The following EXOC5 variants were observed in gnomAD, a reference collection of about 807,000 sequenced individuals.
EXOC5 encodes the protein exocyst complex component 5.
A neutral mutation model predicts 90.8 loss-of-function variants in EXOC5; 17 were observed. The observed-to-expected ratio is 0.19, with a 90% CI of 0.13 to 0.28. EXOC5 has a LOEUF of 0.28. Among genes scored for constraint, EXOC5 ranks in the 10% least tolerant of loss-of-function variants. The probability of loss-of-function intolerance (pLI) is 1.00; values close to 1 mark genes in which losing one functional copy is unlikely to be tolerated. For missense variants in EXOC5, 569 were observed against 830.6 expected (o/e 0.69, Z 3.87); for synonymous variants, 260 against 270.0 (o/e 0.96, Z 0.36).
intron 13 of EXOC5, 63 bp downstream of exon 13, chr14:57,222,245 G>A: frequency 1.3e-6 from 1 of 757,540 alleles, no homozygotes; most frequent in South Asian, 2.0e-5. Context: ...ACAACATTAT[G>A]CATATAGTTT....
rs146051565 is a variant in EXOC5 at position 57,212,811 on chromosome 14, C to G, written c.1614-2750G>C. Among the ~76,000 whole-genome samples, 674 of 152,296 alleles carry G rather than the reference C, an allele frequency of 4.4e-3. 7 individuals carry two copies. Among genetic ancestry groups the G allele is most frequent in the African/African-American group, 0.015 (628 of 41,560 alleles). ...CGATTCCCTTCCATTTTCAATTCAT[C>G]ATGATAGATCTTTGCTTGTTTCATG... On this transcript the variant is annotated intron_variant, in intron 15 of 17. Transcript: ENST00000621441.
intron 1 of EXOC5, 95 bp downstream of exon 1, chr14:57,268,527 C>A: frequency 6.5e-7 from 1 of 1,539,068 alleles, no homozygotes; most frequent in Non-Finnish European, 8.7e-7. Context: ...GAGGGCTCCT[C>A]CTGGGCAGCC....
chr14:57,214,291 G>A (rs1188998175), intron 15 of EXOC5, among the ~76,000 whole-genome samples: 20 of 152,028 alleles, frequency 1.3e-4, no homozygotes, highest in Admixed American at 1.3e-3. Flanking sequence ...TTCCCTTGTG[G>A]ATACTCAAAT....
intron 15 of EXOC5, among the ~76,000 whole-genome samples, chr14:57,216,267 T>C (rs1235290178): frequency 7.3e-6 from 1 of 137,356 alleles, no homozygotes; most frequent in Non-Finnish European, 1.5e-5. Flanking sequence ...AAAGGCATTT[T>C]TCACAGAAAT....
At chr14:57,256,933 T>G (rs751581441) in intron 1 of EXOC5, among the ~76,000 whole-genome samples, 7 of 152,312 alleles carry the variant, frequency 4.6e-5, no homozygotes, top group South Asian at 4.1e-4. Flanking sequence ...CTTGTATCCT[T>G]GCTCTGCCCC....
intron 13 of EXOC5, among the ~76,000 whole-genome samples, chr14:57,221,437 G>A (rs1883137108): frequency 6.6e-6 from 1 of 152,170 alleles, no homozygotes; most frequent in Non-Finnish European, 1.5e-5. Context: ...GTTAAATGAA[G>A]TCAGTAATGT....
At chr14:57,215,231 C>CA (rs879718496) in intron 15 of EXOC5, among the ~76,000 whole-genome samples, 2,445 of 132,336 alleles carry the variant, frequency 0.018, 55 homozygotes, top group African/African-American at 0.06. Flanking sequence ...GACTCCGTCT[C>CA]AAAAAAAAAA....
At chr14:57,259,876 C>A (rs567505695) in intron 1 of EXOC5, among the ~76,000 whole-genome samples, 5 of 152,274 alleles carry the variant, frequency 3.3e-5, no homozygotes, top group African/African-American at 9.6e-5. Context: ...CAGAACAATG[C>A]CGAGCATACC....
chr14:57,201,559 ATATTAATAT>A lies in EXOC5; in HGVS notation c.*7041_*7049del, dbSNP rs1882508487. 2 of 115,168 alleles carry A rather than the reference ATATTAATAT, an allele frequency of 1.7e-5. 1 individual carries two copies. The highest frequency in any genetic ancestry group is 5.1e-4 in the South Asian group (2 of 3,954). 7.1% of individuals were successfully genotyped at this position (115,168 alleles called of 1,614,324 possible). On this transcript the variant is annotated 3_prime_UTR_variant, in exon 18 of 18. Transcript: ENST00000621441. The stretch of plus-strand genomic sequence containing the variant: ...CACACATATACATATATTTTTATAT[ATATTAATAT>A]TATATATATATATATATATATATAT...
At position 57,207,562 on chromosome 14, in the gene EXOC5, A is replaced by T. The variant is rs1218630462; in HGVS notation, c.*1047T>A. ...AGAAATGCTTTGAAAAAGGACAATG[A>T]CAGACCTATAGACATGAAAAGCAAA... On this transcript the variant is annotated 3_prime_UTR_variant, in exon 18 of 18. Coordinates refer to ENST00000621441, the MANE Select transcript of EXOC5 (RefSeq NM_006544.4). 6.6e-6 allele frequency: 1 copy of T among 152,118 alleles called. No homozygotes were observed. The highest frequency in any genetic ancestry group is 1.9e-4 in the East Asian group (1 of 5,194). The allele number at this position is 152,118 out of a possible 1,614,324, so 9.4% of individuals were successfully genotyped here. A position where few individuals can be genotyped will look rare whatever the true frequency, so the allele number is the denominator to read the frequency against.
intron 1 of EXOC5, among the ~76,000 whole-genome samples, chr14:57,260,195 T>C (rs1006311108): frequency 1.3e-5 from 2 of 152,196 alleles, no homozygotes; most frequent in African/African-American, 4.8e-5. Flanking sequence ...AAATAAGTTA[T>C]ATTTATTGAA....
At chr14:57,230,275 T>C (rs1883441263) in intron 11 of EXOC5, among the ~76,000 whole-genome samples, 1 of 152,332 alleles carries the variant, frequency 6.6e-6, no homozygotes, top group African/African-American at 2.4e-5. Flanking sequence ...TTTAAGATTA[T>C]GCACATTTAT....
At position 57,257,865 on chromosome 14, in the gene EXOC5, A is replaced by C. The variant is rs556392742; in HGVS notation, c.28-10153T>G. 1.1e-4 allele frequency among the ~76,000 whole-genome samples: 16 copies of C among 152,296 alleles called. No homozygotes were observed. The South Asian group carries it at 3.3e-3, about 32-fold the overall frequency. On this transcript the variant is annotated intron_variant, in intron 1 of 17. Transcript: ENST00000621441. ...AAAGACTTCTCAAACAATTCCCTGTAATACAAATACCTGTAAAAAAATTTT... is the reference window on the plus strand; with the variant it reads ...AAAGACTTCTCAAACAATTCCCTGTCATACAAATACCTGTAAAAAAATTTT...
In EXOC5 at chr14:57,264,252, C is replaced by A. The variant is rs113657523; in HGVS notation, c.27+4370G>T. Among the ~76,000 whole-genome samples, 78 of 152,262 alleles carry A rather than the reference C, an allele frequency of 5.1e-4. 1 individual carries two copies. Among genetic ancestry groups the A allele is most frequent in the African/African-American group, 1.8e-3 (76 of 41,542 alleles). On this transcript the variant is annotated intron_variant, in intron 1 of 17. Coordinates refer to ENST00000621441, the MANE Select transcript of EXOC5 (RefSeq NM_006544.4). Reference sequence around the variant, plus strand: ...TAGCATTTCAGCACCTTGACAGTAACGGGGTGCTCCTTACTTGTGTATCTC... The same window carrying A: ...TAGCATTTCAGCACCTTGACAGTAAAGGGGTGCTCCTTACTTGTGTATCTC...
At chr14:57,234,904 T>C (rs1883612857) in intron 7 of EXOC5, among the ~76,000 whole-genome samples, 1 of 152,230 alleles carries the variant, frequency 6.6e-6, no homozygotes. Context: ...ATCTGGACAG[T>C]TGTATTCAGC....
At chr14:57,267,486 C>T (rs1413899771) in intron 1 of EXOC5, among the ~76,000 whole-genome samples, 1 of 152,144 alleles carries the variant, frequency 6.6e-6, no homozygotes, top group Non-Finnish European at 1.5e-5. Context: ...CTGAATCTTA[C>T]GCAGAAAAAG....
At chr14:57,225,837 G>A (rs1883290900) in intron 12 of EXOC5, among the ~76,000 whole-genome samples, 1 of 152,172 alleles carries the variant, frequency 6.6e-6, no homozygotes, top group African/African-American at 2.4e-5. Context: ...TATGTACAGT[G>A]GTTCTGTCCG....
At chr14:57,216,178 C>T (rs1882965910) in intron 15 of EXOC5, among the ~76,000 whole-genome samples, 1 of 151,734 alleles carries the variant, frequency 6.6e-6, no homozygotes, top group Non-Finnish European at 1.5e-5. Context: ...AAACATATCC[C>T]GTGTTTAGAG....
chr14:57,267,448 GCATT>G (rs1884705908), intron 1 of EXOC5, among the ~76,000 whole-genome samples: 1 of 152,096 alleles, frequency 6.6e-6, no homozygotes, highest in Non-Finnish European at 1.5e-5. Flanking sequence ...TAAAACTGTG[GCATT>G]CAAATTGTAA....
Sources: allele counts gnomAD v4.1 joint callset (sites outside exome capture counted in the v4.1 genomes callset), GRCh38; gene constraint gnomAD v4.1.1; transcripts MANE v1.5; gene names NCBI Gene and HGNC (gene_info 2026-07-23, HGNC 2026-07-21).